Variants in TAF4B observed in about 807,000 individuals in gnomAD.
The protein encoded by TAF4B is TATA-box binding protein associated factor 4b.
TAF4B carries 38 observed loss-of-function variants against 86.4 expected under a neutral mutation model. That is an observed-to-expected ratio of 0.44 (90% CI 0.34 to 0.58). The LOEUF (loss-of-function observed/expected upper bound fraction) is 0.58. TAF4B is among the 20% of genes least tolerant of loss of function. The pLI is 0.02. For missense variants in TAF4B, 988 were observed against 1,027.6 expected (o/e 0.96, Z 0.53); for synonymous variants, 388 against 391.2 (o/e 0.99, Z 0.10).
intron 11 of TAF4B, among the ~76,000 whole-genome samples, chr18:26,325,018 T>C (rs1181135733): frequency 1.3e-5 from 2 of 152,160 alleles, no homozygotes; most frequent in African/African-American, 4.8e-5. Context: ...AAAAGTGAAA[T>C]CCCCCCATCT....
At chr18:26,369,780 G>A (rs2057395018) in intron 14 of TAF4B, among the ~76,000 whole-genome samples, 1 of 152,132 alleles carries the variant, frequency 6.6e-6, no homozygotes, top group East Asian at 1.9e-4. Context: ...CCAAATCTCT[G>A]GTAATGCCAT....
intron 12 of TAF4B, among the ~76,000 whole-genome samples, chr18:26,327,736 A>G (rs2057016366): frequency 6.6e-6 from 1 of 151,776 alleles, no homozygotes; most frequent in African/African-American, 2.4e-5. Flanking sequence ...CGCCTGGCTA[A>G]TTTTTTTTGT....
chr18:26,330,723 C>A (rs990055400), intron 12 of TAF4B, among the ~76,000 whole-genome samples: 3 of 152,158 alleles, frequency 2.0e-5, no homozygotes, highest in African/African-American at 7.2e-5. Context: ...CAACTCCAAT[C>A]CAGTGCCTCA....
chr18:26,388,868 T>G (rs1978533910), intron 14 of TAF4B, among the ~76,000 whole-genome samples: 2 of 152,236 alleles, frequency 1.3e-5, no homozygotes, highest in Admixed American at 1.3e-4. Context: ...CAGGCAGGAA[T>G]GCAGTGGCGC....
chr18:26,293,730 T>G (rs76763154), intron 9 of TAF4B, among the ~76,000 whole-genome samples, 199 bp downstream of exon 9: 78 of 152,306 alleles, frequency 5.1e-4, no homozygotes, highest in Admixed American at 3.9e-3. Flanking sequence ...CAAATATATA[T>G]ACCTGTGTAA....
rs548618981 is a variant in TAF4B at position 26,373,146 on chromosome 18, C to G, written c.2421+15352C>G. ...TAAGACAACTTGTGTCAGCCCCTCTCCCTTCACAGAGAGAGACACGTTTGG... is the reference window on the plus strand; with the variant it reads ...TAAGACAACTTGTGTCAGCCCCTCTGCCTTCACAGAGAGAGACACGTTTGG... On this transcript the variant is annotated intron_variant, in intron 14 of 14. Coordinates refer to ENST00000269142, the MANE Select transcript of TAF4B (RefSeq NM_005640.3). Among the ~76,000 whole-genome samples the G allele has an allele frequency of 1.1e-4, 16 of 152,244 alleles. No individual in the cohort carries two copies. The East Asian group carries it at 3.1e-3, about 29-fold the overall frequency.
chr18:26,364,828 A>G (rs1394174287), intron 14 of TAF4B, among the ~76,000 whole-genome samples: 1 of 152,114 alleles, frequency 6.6e-6, no homozygotes, highest in Non-Finnish European at 1.5e-5. Context: ...TGATTTCATA[A>G]TGCTGATATT....
chr18:26,238,731 C>T (rs78807235), intron 1 of TAF4B, among the ~76,000 whole-genome samples: 7 of 151,906 alleles, frequency 4.6e-5, no homozygotes, highest in East Asian at 1.9e-4. Context: ...TAATGCTGTC[C>T]GTCCCCCTTC....
intron 1 of TAF4B, among the ~76,000 whole-genome samples, chr18:26,256,910 GT>G (rs1011615464): frequency 8.1e-5 from 12 of 147,314 alleles, no homozygotes; most frequent in Admixed American, 2.7e-4. Flanking sequence ...AAGTAATTGT[GT>G]TTTTTTTGCC....
Position 26,377,414 on chromosome 18 carries a change from GTATCCTTTTT to G in TAF4B, c.2422-12427_2422-12418del, listed in dbSNP as rs540380437. Among the ~76,000 whole-genome samples the G allele has an allele frequency of 9.2e-5, 14 of 152,210 alleles. No individual in the cohort carries two copies. The South Asian group carries it at 2.9e-3, about 32-fold the overall frequency. ...TAGCACTAGGCATATATGTGGTCTTGTATCCTTTTTTATTCTTTGTTCCTCAGTGTTCCTT... is the reference window on the plus strand; with the variant it reads ...TAGCACTAGGCATATATGTGGTCTTGTATTCTTTGTTCCTCAGTGTTCCTT... On this transcript the variant is annotated intron_variant, in intron 14 of 14. Coordinates refer to ENST00000269142, the MANE Select transcript of TAF4B (RefSeq NM_005640.3).
At chr18:26,311,585 C>T (rs949356079) in intron 9 of TAF4B, among the ~76,000 whole-genome samples, 1 of 152,118 alleles carries the variant, frequency 6.6e-6, no homozygotes, top group African/African-American at 2.4e-5. Flanking sequence ...CTTGCCACTG[C>T]ACTCCAGCCT....
intron 14 of TAF4B, among the ~76,000 whole-genome samples, chr18:26,360,496 T>A (rs2057321305): frequency 1.3e-5 from 2 of 152,172 alleles, no homozygotes; most frequent in Admixed American, 1.3e-4. Flanking sequence ...AATGCCACAG[T>A]CTTTCATTTT....
chr18:26,367,297 A>T (rs998020304), intron 14 of TAF4B, among the ~76,000 whole-genome samples: 1 of 152,226 alleles, frequency 6.6e-6, no homozygotes, highest in Non-Finnish European at 1.5e-5. Flanking sequence ...CTGAATGTGA[A>T]GTCCTGAGAA....
chr18:26,333,978 T>C (rs115815813), intron 12 of TAF4B, among the ~76,000 whole-genome samples: 153 of 152,074 alleles, frequency 1.0e-3, no homozygotes, highest in African/African-American at 3.7e-3. Flanking sequence ...CCATTTTATA[T>C]TGGGGCAAAA....
At chr18:26,254,037 T>C (rs1001539817) in intron 1 of TAF4B, among the ~76,000 whole-genome samples, 1 of 151,974 alleles carries the variant, frequency 6.6e-6, no homozygotes, top group Non-Finnish European at 1.5e-5. Context: ...GCGATTCTTC[T>C]GCCTCAGCCT....
chr18:26,307,450 A>G (rs1297842994), intron 9 of TAF4B, among the ~76,000 whole-genome samples: 3 of 152,162 alleles, frequency 2.0e-5, no homozygotes, highest in African/African-American at 4.8e-5. Context: ...GTACCTCTGC[A>G]TGTTTGCATA....
chr18:26,318,436 C>A (rs2056932792), intron 10 of TAF4B, among the ~76,000 whole-genome samples: 1 of 151,452 alleles, frequency 6.6e-6, no homozygotes, highest in Non-Finnish European at 1.5e-5. Flanking sequence ...TAATAAAATT[C>A]CTTCCTTGTA....
chr18:26,272,012 G>A (rs2056325709), intron 3 of TAF4B, among the ~76,000 whole-genome samples: 1 of 150,670 alleles, frequency 6.6e-6, no homozygotes, highest in South Asian at 2.1e-4. Context: ...AGCAAAGCCA[G>A]AGGGGTTCCC....
At chr18:26,339,201 AT>A (rs1219162600) in intron 13 of TAF4B, among the ~76,000 whole-genome samples, 1 of 151,986 alleles carries the variant, frequency 6.6e-6, no homozygotes, top group Non-Finnish European at 1.5e-5. Flanking sequence ...ATAACTTTAT[AT>A]TTTCTATACT....
Sources: gnomAD v4.1 joint callset for allele counts (sites outside exome capture counted in the v4.1 genomes callset) on GRCh38, gnomAD v4.1.1 for gene constraint, MANE v1.5 for transcripts, NCBI Gene and HGNC (gene_info 2026-07-23, HGNC 2026-07-21) for gene names.